The following FAM53B variants were observed in gnomAD, a reference collection of about 807,000 sequenced individuals.
The protein encoded by FAM53B is protein FAM53B.
Under a neutral mutation model 32.7 loss-of-function variants are expected in FAM53B, and 12 were observed. That is an observed-to-expected ratio of 0.37 (90% CI 0.24 to 0.59). The LOEUF (loss-of-function observed/expected upper bound fraction) is 0.59. Among genes scored for constraint, FAM53B ranks in the 20% least tolerant of loss-of-function variants. The pLI, the probability that FAM53B is intolerant of heterozygous loss-of-function variation, is 0.72. For synonymous variants in FAM53B, 234 were observed against 228.7 expected, an observed-to-expected ratio of 1.02 and a Z score of -0.21; for missense variants, 477 against 577.7, an observed-to-expected ratio of 0.83 and a Z score of 1.79.
intron 1 of FAM53B, among the ~76,000 whole-genome samples, chr10:124,730,291 A>C (rs1383824845): frequency 6.6e-6 from 1 of 152,230 alleles, no homozygotes; most frequent in African/African-American, 2.4e-5. Context: ...CAGCATGCAA[A>C]CACACATGGG....
intron 4 of FAM53B, among the ~76,000 whole-genome samples, chr10:124,648,318 G>C (rs1270962563): frequency 1.3e-5 from 2 of 152,264 alleles, no homozygotes; most frequent in Admixed American, 6.5e-5. Context: ...CAGATGGGCA[G>C]TGGGTGCCTC....
chr10:124,710,286 T>C (rs1488972171), intron 1 of FAM53B, among the ~76,000 whole-genome samples: 1 of 152,212 alleles, frequency 6.6e-6, no homozygotes. Context: ...GGGAGAGCAA[T>C]TTTTTCTGAA....
intron 4 of FAM53B, among the ~76,000 whole-genome samples, chr10:124,636,810 C>T (rs1949435052): frequency 6.6e-6 from 1 of 151,768 alleles, no homozygotes; most frequent in Non-Finnish European, 1.5e-5. Context: ...GACACCTGGG[C>T]CAGGTGTCTG....
intron 2 of FAM53B, among the ~76,000 whole-genome samples, chr10:124,699,073 G>A (rs1391553269): frequency 1.3e-5 from 2 of 152,206 alleles, no homozygotes; most frequent in African/African-American, 4.8e-5. Context: ...GGCCTTGCCG[G>A]ACCATCCTGG....
At chr10:124,720,616 G>A (rs1407039661) in intron 1 of FAM53B, among the ~76,000 whole-genome samples, 2 of 152,228 alleles carry the variant, frequency 1.3e-5, no homozygotes, top group African/African-American at 4.8e-5. Context: ...TGTGCTGGAT[G>A]AACAGTTAAC....
At chr10:124,739,050 AAAAAAACAAAAAAC>A (rs1244181305) in intron 1 of FAM53B, among the ~76,000 whole-genome samples, 1 of 150,008 alleles carries the variant, frequency 6.7e-6, no homozygotes, top group Non-Finnish European at 1.5e-5. Flanking sequence ...AAACAAAAAA[AAAAAAACAAAAAAC>A]AAAAAAACAC....
rs1402482196 is a variant in FAM53B, at chr10:124,706,659, A to T, written c.55T>A (p.Cys19Ser). 1 of 1,614,112 alleles carries T rather than the reference A, an allele frequency of 6.2e-7. No homozygotes were observed. The highest frequency in any genetic ancestry group is 1.7e-5 in the Admixed American group (1 of 60,006). Reference protein sequence around the residue: ...LSTRGADSIACGTFSRELHTP... With the variant: ...LSTRGADSIASGTFSRELHTP... ...ACCAGTTCACGGCTGAAGGTCCCAC[A>T]TGCAATGGAGTCAGCTCCCCGGGTG... Residue 19 changes from cysteine (C) to serine (S), a missense_variant, in exon 2 of 5, where the codon TGT becomes AGT. Physicochemically the swap from Cys to Ser is moderately radical, Grantham distance 112 (BLOSUM62 -1). Coordinates refer to ENST00000337318, the MANE Select transcript of FAM53B (RefSeq NM_014661.4).
In FAM53B at chr10:124,724,289, G is replaced by A. The variant is rs539967094; in HGVS notation, c.-174-17402C>T. ...TGACACTCCAGCAAGCTAGGGGGAC[G>A]GGGCTGGGAGTGGAGGGCCCCTTCC... On this transcript the variant is annotated intron_variant, in intron 1 of 4. Coordinates refer to ENST00000337318, the MANE Select transcript of FAM53B (RefSeq NM_014661.4). Among the ~76,000 whole-genome samples the A allele has an allele frequency of 9.8e-5, 15 of 152,322 alleles. No homozygotes were observed. In the South Asian group the frequency reaches 1.5e-3, roughly 15 times the overall value.
At chr10:124,624,272 G>A (rs565425412) in intron 4 of FAM53B, among the ~76,000 whole-genome samples, 5 of 152,206 alleles carry the variant, frequency 3.3e-5, no homozygotes, top group African/African-American at 9.6e-5. Context: ...AGAAGGGGCC[G>A]AGCTGAAGTC....
intron 3 of FAM53B, among the ~76,000 whole-genome samples, chr10:124,689,177 A>G (rs1007705063): frequency 4.6e-5 from 7 of 152,166 alleles, no homozygotes; most frequent in Non-Finnish European, 7.3e-5. Context: ...TTTGGGGAGA[A>G]GCTCACCAAC....
chr10:124,704,537 T>C (rs569412102), intron 2 of FAM53B, among the ~76,000 whole-genome samples: 3 of 151,108 alleles, frequency 2.0e-5, no homozygotes, highest in Non-Finnish European at 3.0e-5. Flanking sequence ...AGGGAGGGAG[T>C]ATGTCCTACT....
chr10:124,717,906 C>T (rs1950046696), intron 1 of FAM53B, among the ~76,000 whole-genome samples: 1 of 152,196 alleles, frequency 6.6e-6, no homozygotes, highest in African/African-American at 2.4e-5. Flanking sequence ...CTCTCCCTCT[C>T]CTGCAGGACA....
chr10:124,669,598 G>A (rs566219103), intron 4 of FAM53B, among the ~76,000 whole-genome samples: 3 of 152,206 alleles, frequency 2.0e-5, no homozygotes, highest in Non-Finnish European at 2.9e-5. Flanking sequence ...GCAGCCCCAC[G>A]TGAGGATGTC....
intron 4 of FAM53B, among the ~76,000 whole-genome samples, chr10:124,645,227 G>A (rs1949504999): frequency 6.6e-6 from 1 of 152,262 alleles, no homozygotes; most frequent in Non-Finnish European, 1.5e-5. Flanking sequence ...CCATTCTGTG[G>A]TAAGACCGCC....
chr10:124,628,779 A>G (rs1427210335), intron 4 of FAM53B, among the ~76,000 whole-genome samples: 1 of 152,210 alleles, frequency 6.6e-6, no homozygotes. Flanking sequence ...CCAATGACCA[A>G]CAGGTGCAGG....
chr10:124,626,301 A>AG (rs1161906132), intron 4 of FAM53B, among the ~76,000 whole-genome samples: 2 of 151,836 alleles, frequency 1.3e-5, no homozygotes, highest in Admixed American at 1.3e-4. Context: ...CTCTGGCATA[A>AG]GGCGCAGGTA....
intron 3 of FAM53B, among the ~76,000 whole-genome samples, chr10:124,691,233 C>T (rs977590027): frequency 1.3e-5 from 2 of 152,174 alleles, no homozygotes; most frequent in African/African-American, 4.8e-5. Context: ...GGGAACAACC[C>T]TTTTATGTAC....
chr10:124,696,261 G>A, intron 2 of FAM53B, 49 bp from the exon 3 acceptor site: 1 of 1,487,250 alleles, frequency 6.7e-7, no homozygotes, highest in Non-Finnish European at 9.4e-7. Flanking sequence ...TAGGAAGCAT[G>A]TTTGCACTGA....
At chr10:124,678,076 G>A (rs563022761) in intron 4 of FAM53B, among the ~76,000 whole-genome samples, 2 of 152,332 alleles carry the variant, frequency 1.3e-5, no homozygotes, top group South Asian at 2.1e-4. Context: ...AACAGAAAAG[G>A]GAGGATGGAA....
Sources: gnomAD v4.1 joint callset for allele counts (sites outside exome capture counted in the v4.1 genomes callset) on GRCh38, gnomAD v4.1.1 for gene constraint, MANE v1.5 for transcripts, NCBI Gene and HGNC (gene_info 2026-07-23, HGNC 2026-07-21) for gene names.